RAP1A: variants seen among roughly 807,000 people sequenced by gnomAD.
The protein encoded by RAP1A is RAP1A, member of RAS oncogene family.
Under a neutral mutation model 26.4 loss-of-function variants are expected in RAP1A, and 6 were observed. The observed-to-expected ratio is 0.23, with a 90% CI of 0.12 to 0.45. The LOEUF (loss-of-function observed/expected upper bound fraction) is 0.45. RAP1A is among the 20% of genes least tolerant of loss of function. The pLI is 0.99. For missense variants in RAP1A, 121 were observed against 217.2 expected (o/e 0.56, Z 2.78); for synonymous variants, 73 against 79.4 (o/e 0.92, Z 0.43).
chr1:111,680,418 C>A (rs1284096493), intron 1 of RAP1A, among the ~76,000 whole-genome samples: 1 of 152,136 alleles, frequency 6.6e-6, no homozygotes. Context: ...TAGCTAGACA[C>A]AGAGCTCTGA....
At chr1:111,559,400 A>T (rs74112341) in intron 1 of RAP1A, among the ~76,000 whole-genome samples, 16,730 of 152,176 alleles carry the variant, frequency 0.11, 2,337 homozygotes, top group African/African-American at 0.32. Context: ...AAAAAATCCT[A>T]TTCTTTATGA....
intron 2 of RAP1A, among the ~76,000 whole-genome samples, chr1:111,693,368 TTTTTG>T (rs1401304773): frequency 2.0e-5 from 3 of 151,592 alleles, no homozygotes; most frequent in Non-Finnish European, 4.4e-5. Flanking sequence ...TTAAGGGAGG[TTTTTG>T]TTTTTGTTTT....
chr1:111,696,244 AT>A (rs780812308), intron 3 of RAP1A, among the ~76,000 whole-genome samples: 1 of 152,194 alleles, frequency 6.6e-6, no homozygotes, highest in Admixed American at 6.5e-5. Context: ...AGCCAAGAAT[AT>A]TTTTTAAAAA....
intron 1 of RAP1A, among the ~76,000 whole-genome samples, chr1:111,557,940 G>T (rs549762347): frequency 5.1e-4 from 78 of 152,156 alleles, no homozygotes; most frequent in African/African-American, 1.8e-3. Flanking sequence ...AGAAAATTAT[G>T]CATGTTAAGA....
chr1:111,570,940 A>G (rs1246335362), intron 1 of RAP1A, among the ~76,000 whole-genome samples: 8 of 152,240 alleles, frequency 5.3e-5, no homozygotes, highest in Non-Finnish European at 8.8e-5. Flanking sequence ...TTTGGTGAAG[A>G]CAAACCATAG....
intron 1 of RAP1A, chr1:111,563,799 A>G (rs1231291571): frequency 6.0e-6 from 9 of 1,490,560 alleles, no homozygotes; most frequent in Non-Finnish European, 8.4e-6. Context: ...GCAGACTCAG[A>G]CCCCAACCTC....
intron 1 of RAP1A, among the ~76,000 whole-genome samples, chr1:111,559,744 A>G (rs1405683105): frequency 6.6e-6 from 1 of 152,196 alleles, no homozygotes; most frequent in African/African-American, 2.4e-5. Flanking sequence ...TGACTGCTTC[A>G]TTTAAAACTT....
chr1:111,639,787 G>A (rs1659840693), intron 1 of RAP1A, among the ~76,000 whole-genome samples: 1 of 152,164 alleles, frequency 6.6e-6, no homozygotes, highest in Non-Finnish European at 1.5e-5. Flanking sequence ...GAGTTGAATT[G>A]TCACCACAGC....
intron 1 of RAP1A, among the ~76,000 whole-genome samples, chr1:111,667,793 A>G (rs916477688): frequency 1.3e-5 from 2 of 152,196 alleles, no homozygotes; most frequent in African/African-American, 4.8e-5. Flanking sequence ...ACCTAAAGGA[A>G]CAGTATCAAG....
intron 1 of RAP1A, among the ~76,000 whole-genome samples, chr1:111,594,524 GA>G (rs1395818143): frequency 2.7e-5 from 4 of 148,340 alleles, no homozygotes; most frequent in African/African-American, 1.0e-4. Flanking sequence ...AGGGGAAGGG[GA>G]AAGGGAAGAA....
At chr1:111,632,366 A>G (rs1451184894) in intron 1 of RAP1A, among the ~76,000 whole-genome samples, 1 of 152,156 alleles carries the variant, frequency 6.6e-6, no homozygotes, top group African/African-American at 2.4e-5. Flanking sequence ...TTTTAAATGA[A>G]TATCATAGGA....
chr1:111,624,599 A>C (rs1172960752), intron 1 of RAP1A, among the ~76,000 whole-genome samples: 1 of 152,192 alleles, frequency 6.6e-6, no homozygotes, highest in Non-Finnish European at 1.5e-5. Context: ...TCAACAAAGC[A>C]GTTCAACAGA....
chr1:111,645,811 T>C (rs1660046507), intron 1 of RAP1A, among the ~76,000 whole-genome samples: 1 of 152,196 alleles, frequency 6.6e-6, no homozygotes, highest in South Asian at 2.1e-4. Context: ...GGAAGCTAGA[T>C]TCCAAAGTCT....
intron 1 of RAP1A, among the ~76,000 whole-genome samples, chr1:111,657,134 A>C (rs1167138529): frequency 6.6e-6 from 1 of 152,208 alleles, no homozygotes; most frequent in Non-Finnish European, 1.5e-5. Flanking sequence ...ATCAAAGAAC[A>C]CATCAAGGTT....
At chr1:111,587,700 C>T (rs1409589032) in intron 1 of RAP1A, among the ~76,000 whole-genome samples, 2 of 152,178 alleles carry the variant, frequency 1.3e-5, no homozygotes, top group African/African-American at 4.8e-5. Flanking sequence ...CCTCCACTTT[C>T]ACCTCCCATT....
intron 1 of RAP1A, among the ~76,000 whole-genome samples, chr1:111,568,697 C>T (rs746024650): frequency 6.6e-6 from 1 of 152,122 alleles, no homozygotes; most frequent in Non-Finnish European, 1.5e-5. Context: ...CTGCACAGGT[C>T]CACTCACATG....
intron 1 of RAP1A, among the ~76,000 whole-genome samples, chr1:111,661,673 C>T (rs1357479312): frequency 6.6e-6 from 1 of 151,990 alleles, no homozygotes; most frequent in Non-Finnish European, 1.5e-5. Context: ...GTGGCGCATG[C>T]CTGTAATCCC....
chr1:111,624,771 T>G (rs184521117), intron 1 of RAP1A, among the ~76,000 whole-genome samples: 1 of 152,300 alleles, frequency 6.6e-6, no homozygotes, highest in African/African-American at 2.4e-5. Flanking sequence ...GGTTTAAAAA[T>G]AATTCTTTTA....
intron 4 of RAP1A, among the ~76,000 whole-genome samples, chr1:111,698,779 A>G (rs936701505): frequency 6.6e-6 from 1 of 152,108 alleles, no homozygotes; most frequent in African/African-American, 2.4e-5. Flanking sequence ...TTGCCCTCAC[A>G]ACAAGCTTCT....
Sources: gnomAD v4.1 joint callset for allele counts (sites outside exome capture counted in the v4.1 genomes callset) on GRCh38, gnomAD v4.1.1 for gene constraint, MANE v1.5 for transcripts, NCBI Gene and HGNC (gene_info 2026-07-23, HGNC 2026-07-21) for gene names.